The following SLC24A2 variants were observed in gnomAD, a reference collection of about 807,000 sequenced individuals.
SLC24A2 encodes sodium/potassium/calcium exchanger 2.
SLC24A2 carries 36 observed loss-of-function variants against 62.0 expected under a neutral mutation model. That is an observed-to-expected ratio of 0.58 (90% CI 0.44 to 0.77). The LOEUF is 0.77. SLC24A2 is among the 30% of genes least tolerant of loss of function. The pLI, the probability that SLC24A2 is intolerant of heterozygous loss-of-function variation, is 0.00. For missense variants in SLC24A2, 846 were observed against 817.9 expected (o/e 1.03, Z -0.42); for synonymous variants, 358 against 294.0 (o/e 1.22, Z -2.23).
chr9:20,077,299 A>C, the SLC24A2 span, among the ~76,000 whole-genome samples: 2 of 152,160 alleles, frequency 1.3e-5, no homozygotes, highest in Non-Finnish European at 2.9e-5. Flanking sequence ...CTCTTGCCAA[A>C]AAACAAAAAG....
the SLC24A2 span, among the ~76,000 whole-genome samples, chr9:19,856,457 T>C: frequency 6.6e-6 from 1 of 152,184 alleles, no homozygotes; most frequent in South Asian, 2.1e-4. Flanking sequence ...TGCTGACCTT[T>C]GGATGGGGTT....
At chr9:20,194,983 T>C in the SLC24A2 span, among the ~76,000 whole-genome samples, 2 of 152,208 alleles carry the variant, frequency 1.3e-5, no homozygotes, top group Non-Finnish European at 2.9e-5. Context: ...TACCTAGGTA[T>C]ACATCCGTAA....
chr9:20,208,025 T>A, the SLC24A2 span, among the ~76,000 whole-genome samples: 57 of 152,274 alleles, frequency 3.7e-4, no homozygotes, highest in African/African-American at 1.3e-3. Context: ...CTTAAAGACT[T>A]GTAAAGGAGA....
At chr9:19,552,222 C>G (rs1318719063) in intron 7 of SLC24A2, among the ~76,000 whole-genome samples, 2 of 152,204 alleles carry the variant, frequency 1.3e-5, no homozygotes, top group African/African-American at 4.8e-5. Flanking sequence ...CTCTTCTATG[C>G]CACCTCTGTC....
the SLC24A2 span, among the ~76,000 whole-genome samples, chr9:20,238,899 T>G: frequency 6.6e-6 from 1 of 152,174 alleles, no homozygotes; most frequent in African/African-American, 2.4e-5. Context: ...AGAGATCTCC[T>G]TCTCTCCCTA....
intron 2 of SLC24A2, among the ~76,000 whole-genome samples, chr9:19,717,857 C>A (rs1017315388): frequency 3.3e-5 from 5 of 151,966 alleles, no homozygotes; most frequent in African/African-American, 1.2e-4. Context: ...CTTCAGTGAC[C>A]CCACTAAATG....
At chr9:20,022,908 A>C in the SLC24A2 span, among the ~76,000 whole-genome samples, 3 of 152,230 alleles carry the variant, frequency 2.0e-5, no homozygotes, top group Admixed American at 6.5e-5. Context: ...TGTTCACCAC[A>C]TTAATGTATT....
At chr9:19,910,575 C>T in the SLC24A2 span, among the ~76,000 whole-genome samples, 1 of 152,070 alleles carries the variant, frequency 6.6e-6, no homozygotes, top group Admixed American at 6.6e-5. Context: ...CTCACTAACT[C>T]CCTGTACTCT....
chr9:20,240,870 G>A, the SLC24A2 span, among the ~76,000 whole-genome samples: 1 of 152,126 alleles, frequency 6.6e-6, no homozygotes, highest in Non-Finnish European at 1.5e-5. Context: ...ACCTGGGAAG[G>A]TCTCTCATAA....
the SLC24A2 span, chr9:19,929,409 C>T: frequency 2.0e-5 from 3 of 152,130 alleles, no homozygotes; most frequent in Non-Finnish European, 4.4e-5. Flanking sequence ...TACAATCATG[C>T]ACTGCATAAC....
chr9:19,705,612 A>ATAGGGTGTC (rs1820490130), intron 2 of SLC24A2: 1 of 228,560 alleles, frequency 4.4e-6, no homozygotes, highest in South Asian at 7.9e-5. Context: ...TCAAAAGGCA[A>ATAGGGTGTC]AAGAGGACAA....
intron 2 of SLC24A2, among the ~76,000 whole-genome samples, chr9:19,756,078 TTACCTGC>T (rs1333266460): frequency 4.6e-5 from 7 of 152,318 alleles, no homozygotes; most frequent in African/African-American, 1.7e-4. Flanking sequence ...ATTCACCAAG[TTACCTGC>T]TACCTGCTAA....
chr9:19,756,131 T>G (rs540971516), intron 2 of SLC24A2, among the ~76,000 whole-genome samples: 1 of 152,308 alleles, frequency 6.6e-6, no homozygotes, highest in Non-Finnish European at 1.5e-5. Context: ...GCAATAACCT[T>G]CAAATTTGAG....
At chr9:19,572,242 AGAGT>A (rs1835857621) in intron 7 of SLC24A2, among the ~76,000 whole-genome samples, 3 of 127,638 alleles carry the variant, frequency 2.4e-5, no homozygotes, top group East Asian at 5.0e-4. Flanking sequence ...GCTGGGTGAC[AGAGT>A]GAGAGTCCGT....
the SLC24A2 span, among the ~76,000 whole-genome samples, chr9:20,051,895 G>T: frequency 4.1e-4 from 62 of 151,894 alleles, no homozygotes; most frequent in African/African-American, 1.4e-3. Flanking sequence ...CTCTGGGCTG[G>T]TTTAGTCTTA....
the SLC24A2 span, among the ~76,000 whole-genome samples, chr9:20,194,971 A>C: frequency 6.6e-6 from 1 of 152,196 alleles, no homozygotes; most frequent in South Asian, 2.1e-4. Flanking sequence ...TTATAGTTTT[A>C]TTACCTAGGT....
chr9:19,580,085 G>A (rs1243842114), intron 5 of SLC24A2, among the ~76,000 whole-genome samples: 1 of 152,234 alleles, frequency 6.6e-6, no homozygotes, highest in Non-Finnish European at 1.5e-5. Context: ...TGAACAGTAA[G>A]AGGGATTAGC....
At chr9:20,154,459 G>C in the SLC24A2 span, among the ~76,000 whole-genome samples, 1 of 151,734 alleles carries the variant, frequency 6.6e-6, no homozygotes, top group African/African-American at 2.4e-5. Flanking sequence ...GTTTTCACTA[G>C]ATGCGAAAGA....
the SLC24A2 span, among the ~76,000 whole-genome samples, chr9:20,131,753 C>A: frequency 1.3e-5 from 2 of 152,184 alleles, no homozygotes; most frequent in South Asian, 4.2e-4. Context: ...TCTAAATTTT[C>A]TTAATTTATA....
Sources: gnomAD v4.1 joint callset for allele counts (sites outside exome capture counted in the v4.1 genomes callset) on GRCh38, gnomAD v4.1.1 for gene constraint, MANE v1.5 for transcripts, NCBI Gene and HGNC (gene_info 2026-07-23, HGNC 2026-07-21) for gene names.